UBE2K: variants seen among roughly 807,000 people sequenced by gnomAD.
UBE2K encodes ubiquitin conjugating enzyme E2 K, also known as ubiquitin-conjugating enzyme E2 K.
A neutral mutation model predicts 30.0 loss-of-function variants in UBE2K; 6 were observed. The ratio of observed to expected loss-of-function variants is 0.20; its 90% CI spans 0.11 to 0.39. The LOEUF is 0.39. UBE2K is among the 10% of genes least tolerant of loss of function. The pLI is 1.00. For missense variants in UBE2K, 61 were observed against 241.6 expected (o/e 0.25, Z 4.96); for synonymous variants, 86 against 83.7 (o/e 1.03, Z -0.15).
intron 4 of UBE2K, chr4:39,770,352 T>C: frequency 6.2e-7 from 1 of 1,613,608 alleles, no homozygotes; most frequent in Non-Finnish European, 8.5e-7. Flanking sequence ...GTTGTTGCTG[T>C]GGTTGAACTC....
At chr4:39,738,331 G>A (rs1578458362) in intron 2 of UBE2K, among the ~76,000 whole-genome samples, 2 of 152,248 alleles carry the variant, frequency 1.3e-5, no homozygotes, top group East Asian at 1.9e-4. Flanking sequence ...AACGATTGCT[G>A]TTTCATAGAT....
At chr4:39,754,299 GAATC>G in intron 3 of UBE2K, among the ~76,000 whole-genome samples, 1 of 152,158 alleles carries the variant, frequency 6.6e-6, no homozygotes, top group East Asian at 1.9e-4. Flanking sequence ...AGACTGAAAA[GAATC>G]AAGCATAGCA....
chr4:39,767,299 G>GTT (rs71194918), intron 4 of UBE2K, among the ~76,000 whole-genome samples: 110 of 139,792 alleles, frequency 7.9e-4, no homozygotes, highest in Admixed American at 1.6e-3. Flanking sequence ...CTTTTTTTCT[G>GTT]TTTTTTTTTT....
chr4:39,710,219 A>T (rs1027915465), intron 1 of UBE2K: 1 of 151,222 alleles, frequency 6.6e-6, no homozygotes, highest in African/African-American at 2.4e-5. Flanking sequence ...CTTTTACTCC[A>T]AATTTAGAAT....
chr4:39,774,284 C>T lies in UBE2K; in HGVS notation c.300-550C>T, dbSNP rs560511264. Among the ~76,000 whole-genome samples, 6 of 150,788 alleles carry T rather than the reference C, an allele frequency of 4.0e-5. No homozygotes were observed. The South Asian group carries it at 1.3e-3, about 32-fold the overall frequency. ...GTGCCACTGCCCACTCCAGCCTGAG[C>T]GGCAGAGCAAGACACTGTCATTAAA... On this transcript the variant is annotated intron_variant, in intron 4 of 6. Coordinates refer to ENST00000261427, the MANE Select transcript of UBE2K (RefSeq NM_005339.5).
chr4:39,719,956 ATATTGT>A (rs2109325602), intron 1 of UBE2K, among the ~76,000 whole-genome samples: 1 of 152,280 alleles, frequency 6.6e-6, no homozygotes, highest in South Asian at 2.1e-4. Flanking sequence ...TTAGGTGTTT[ATATTGT>A]TAGGTGCTTT....
chr4:39,730,190 C>G (rs1719991051), intron 1 of UBE2K, among the ~76,000 whole-genome samples: 1 of 149,188 alleles, frequency 6.7e-6, no homozygotes, highest in Non-Finnish European at 1.5e-5. Context: ...CAGAACTTAA[C>G]TTTTTTTTTT....
chr4:39,717,992 G>C (rs1719191269), intron 1 of UBE2K, among the ~76,000 whole-genome samples: 2 of 151,980 alleles, frequency 1.3e-5, no homozygotes, highest in South Asian at 4.1e-4. Flanking sequence ...AAGGCAGTGT[G>C]GACCCAAAGA....
chr4:39,744,466 C>T (rs772308913), intron 2 of UBE2K, among the ~76,000 whole-genome samples: 51 of 151,856 alleles, frequency 3.4e-4, no homozygotes, highest in Non-Finnish European at 6.9e-4. Flanking sequence ...GCCACCGCGC[C>T]GAGCCTAGAT....
In UBE2K at chr4:39,709,902, A is replaced by G. The variant is rs551899110; in HGVS notation, c.63+11512A>G. 4.6e-5 allele frequency among the ~76,000 whole-genome samples: 7 copies of G among 152,240 alleles called. No individual in the cohort carries two copies. In the South Asian group the frequency reaches 1.5e-3, roughly 32 times the overall value. On this transcript the variant is annotated intron_variant, in intron 1 of 6. Coordinates refer to ENST00000261427, the MANE Select transcript of UBE2K (RefSeq NM_005339.5). ...TTCCTGAAACTAGACCAAAGAATCT[A>G]GATTCTAATCCTGTGGTGTATAATC... is the stretch of plus-strand genomic sequence containing the variant.
intron 1 of UBE2K, chr4:39,714,332 G>T: frequency 5.2e-6 from 1 of 191,758 alleles, no homozygotes; most frequent in South Asian, 1.2e-4. Flanking sequence ...ATTTCACTTG[G>T]GAAGACCAAG....
At chr4:39,717,029 G>T (rs944939075) in intron 1 of UBE2K, among the ~76,000 whole-genome samples, 40 of 151,080 alleles carry the variant, frequency 2.6e-4, no homozygotes, top group African/African-American at 9.2e-4. Context: ...GCCTGGGGTG[G>T]GTGGTGCGCA....
intron 1 of UBE2K, among the ~76,000 whole-genome samples, chr4:39,732,739 G>C (rs1312880753): frequency 7.2e-6 from 1 of 137,994 alleles, no homozygotes; most frequent in Non-Finnish European, 1.5e-5. Context: ...GCAGTGGTGT[G>C]ATCTTGGTTC....
intron 5 of UBE2K, among the ~76,000 whole-genome samples, chr4:39,775,666 C>T (rs1203266204): frequency 6.6e-6 from 1 of 152,120 alleles, no homozygotes; most frequent in African/African-American, 2.4e-5. Context: ...GTGGGAGAAT[C>T]GCTTGAACCT....
chr4:39,765,360 C>CA (rs1352039002), intron 4 of UBE2K, among the ~76,000 whole-genome samples: 1 of 151,650 alleles, frequency 6.6e-6, no homozygotes. Flanking sequence ...TCCATCTCTA[C>CA]AAAAAATACA....
Position 39,777,816 on chromosome 4 carries a change from T to TA in UBE2K, c.528+7dup, listed in dbSNP as rs760428216. 1.0e-5 allele frequency: 15 copies of TA among 1,434,606 alleles called. No homozygotes were observed. The African/African-American group carries it at 2.2e-4, about 21-fold the overall frequency. 88.9% of individuals were successfully genotyped at this position (1,434,606 alleles called of 1,614,324 possible). A position where few individuals can be genotyped will look rare whatever the true frequency, so the allele number is the denominator to read the frequency against. The stretch of plus-strand genomic sequence containing the variant: ...GTGCTATGGGCTTTGATAGGGTAAG[T>TA]ACATAAGGGCATGTTGATTTTGATA... On this transcript the variant is annotated splice_region_variant and intron_variant, in intron 6 of 6. Transcript: ENST00000261427.
rs371912997 is a variant in UBE2K, at chr4:39,778,471, T to G, written c.*37T>G. ...CTGCTGATATAGTCAAGCTTGCCTC[T>G]TCTTGAGGAGCACCAACATCTGTTA... is the stretch of plus-strand genomic sequence containing the variant. On this transcript the variant is annotated 3_prime_UTR_variant, in exon 7 of 7. Coordinates refer to ENST00000261427, the MANE Select transcript of UBE2K (RefSeq NM_005339.5). 6 of 1,358,136 alleles carry G rather than the reference T, an allele frequency of 4.4e-6. No individual in the cohort carries two copies. Among genetic ancestry groups the G allele is most frequent in the Admixed American group, 1.9e-5 (1 of 53,926 alleles). 84.1% of individuals were successfully genotyped at this position (1,358,136 alleles called of 1,614,324 possible). A position where few individuals can be genotyped will look rare whatever the true frequency, so the allele number is the denominator to read the frequency against.
chr4:39,758,660 G>A (rs1711654790), intron 4 of UBE2K, among the ~76,000 whole-genome samples: 2 of 151,612 alleles, frequency 1.3e-5, no homozygotes, highest in Admixed American at 6.6e-5. Context: ...CCTGGGCGAC[G>A]GAGTGAGACC....
chr4:39,764,973 G>A (rs552712717), intron 4 of UBE2K, among the ~76,000 whole-genome samples: 8 of 151,062 alleles, frequency 5.3e-5, no homozygotes, highest in East Asian at 2.0e-4. Context: ...TGTAAGCTCC[G>A]CCTCCTGGCC....
Sources: allele counts gnomAD v4.1 joint callset (sites outside exome capture counted in the v4.1 genomes callset), GRCh38; gene constraint gnomAD v4.1.1; transcripts MANE v1.5; gene names NCBI Gene and HGNC (gene_info 2026-07-23, HGNC 2026-07-21).